Variants in DNAJC6 observed in about 807,000 individuals in gnomAD.
DNAJC6 encodes auxilin.
In DNAJC6, 34 loss-of-function variants were observed where a neutral mutation model predicts 110.0. The observed-to-expected ratio is 0.31, with a 90% CI of 0.24 to 0.41. DNAJC6 has a LOEUF of 0.41. Ranked by LOEUF, DNAJC6 falls within the 10% of genes least tolerant of loss-of-function variation. The pLI is 1.00. For missense variants in DNAJC6, 1,031 were observed against 1,207.8 expected (o/e 0.85, Z 2.17); for synonymous variants, 406 against 437.2 (o/e 0.93, Z 0.89).
intron 1 of DNAJC6, among the ~76,000 whole-genome samples, chr1:65,327,944 G>A (rs977069748): frequency 1.3e-5 from 2 of 151,984 alleles, no homozygotes; most frequent in East Asian, 1.9e-4. Context: ...TGAACTCCTG[G>A]GCACAAGCAA....
At chr1:65,298,575 G>GA (rs1425289807) in intron 1 of DNAJC6, among the ~76,000 whole-genome samples, 3 of 151,080 alleles carry the variant, frequency 2.0e-5, no homozygotes, top group Non-Finnish European at 4.4e-5. Context: ...CTATACATAT[G>GA]AAAAAAGACT....
At chr1:65,303,353 T>G (rs1311165401) in intron 1 of DNAJC6, among the ~76,000 whole-genome samples, 1 of 152,228 alleles carries the variant, frequency 6.6e-6, no homozygotes, top group Non-Finnish European at 1.5e-5. Flanking sequence ...ATAATAACAT[T>G]TGTTACATCG....
chr1:65,345,217 T>A (rs535456301), intron 1 of DNAJC6, among the ~76,000 whole-genome samples: 1 of 144,100 alleles, frequency 6.9e-6, no homozygotes, highest in Non-Finnish European at 1.5e-5. Context: ...ATTTTTGTGC[T>A]TCTCTCCCTT....
At chr1:65,265,155 T>A (rs1653272568) in intron 1 of DNAJC6, among the ~76,000 whole-genome samples, 2 of 152,242 alleles carry the variant, frequency 1.3e-5, no homozygotes, top group South Asian at 4.1e-4. Flanking sequence ...ATTTTTATAG[T>A]CCTAAATATA....
chr1:65,402,669 G>C (rs1466213171), intron 15 of DNAJC6, among the ~76,000 whole-genome samples: 1 of 152,208 alleles, frequency 6.6e-6, no homozygotes, highest in African/African-American at 2.4e-5. Context: ...TGGCTATATT[G>C]ATAGTCTGTG....
intron 4 of DNAJC6, among the ~76,000 whole-genome samples, 199 bp from the exon 5 acceptor site, chr1:65,379,203 T>G (rs1645794622): frequency 6.6e-6 from 1 of 152,254 alleles, no homozygotes; most frequent in African/African-American, 2.4e-5. Context: ...ATACCTTTAC[T>G]GAATGAGAAT....
rs1645078572 is a variant in DNAJC6, at chr1:65,309,645, TA to T, written c.-99del. The stretch of plus-strand genomic sequence containing the variant: ...TCCTCTTTGCGTCATGTCGGGCACT[TA>T]ATTTTTTTTTTTTTTTAATTCCTTC... On this transcript the variant is annotated 5_prime_UTR_variant, in exon 1 of 19. The change abolishes the stop of an existing upstream ORF in the 5' untranslated region. Transcript: ENST00000371069. The T allele has an allele frequency of 1.1e-5, 15 of 1,423,358 alleles. No individual in the cohort carries two copies. Among genetic ancestry groups the T allele is most frequent in the Non-Finnish European group, 1.4e-5 (15 of 1,091,810 alleles). The allele number at this position is 1,423,358 out of a possible 1,614,324, so 88.2% of individuals were successfully genotyped here.
chr1:65,404,907 T>C (rs1009624101), intron 15 of DNAJC6, among the ~76,000 whole-genome samples: 1 of 152,246 alleles, frequency 6.6e-6, no homozygotes, highest in African/African-American at 2.4e-5. Context: ...GAGCCAGTGA[T>C]ACTACTTACT....
intron 12 of DNAJC6, among the ~76,000 whole-genome samples, chr1:65,393,942 C>A (rs1167852907): frequency 6.6e-6 from 1 of 152,172 alleles, no homozygotes; most frequent in African/African-American, 2.4e-5. Flanking sequence ...GAGGCTCAAG[C>A]TCCAATGTTA....
chr1:65,379,605 A>G lies in DNAJC6; in HGVS notation c.666+81A>G. The G allele has an allele frequency of 2.6e-6, 4 of 1,532,188 alleles. No homozygotes were observed. The South Asian group carries it at 5.1e-5, about 20-fold the overall frequency. The allele number at this position is 1,532,188 out of a possible 1,614,324, so 94.9% of individuals were successfully genotyped here. A position where few individuals can be genotyped will look rare whatever the true frequency, so the allele number is the denominator to read the frequency against. On this transcript the variant is annotated intron_variant, in intron 5 of 18. Coordinates refer to ENST00000371069, the MANE Select transcript of DNAJC6 (RefSeq NM_001256864.2). ...GCCTGTACACAATGGTAGACAGGTA[A>G]CATTTGAGTTCAATAGGATTTACTG...
chr1:65,277,145 TG>T (rs771989178), intron 1 of DNAJC6, among the ~76,000 whole-genome samples: 1 of 152,348 alleles, frequency 6.6e-6, no homozygotes, highest in Admixed American at 6.5e-5. Flanking sequence ...TGTTTTTTTT[TG>T]TTTGTTTTAA....
At chr1:65,273,799 C>T (rs1457821113) in intron 1 of DNAJC6, among the ~76,000 whole-genome samples, 1 of 151,446 alleles carries the variant, frequency 6.6e-6, no homozygotes, top group Non-Finnish European at 1.5e-5. Context: ...CTCTTTTTGC[C>T]ATTGATTTCT....
intron 1 of DNAJC6, among the ~76,000 whole-genome samples, chr1:65,292,475 G>A (rs938963406): frequency 3.9e-5 from 6 of 151,954 alleles, no homozygotes; most frequent in Admixed American, 6.6e-5. Context: ...GTATTGCCTA[G>A]GCTGGGGTGC....
upstream of DNAJC6, chr1:65,309,472 G>A (rs1443283440): frequency 9.3e-7 from 1 of 1,072,554 alleles, no homozygotes. Context: ...CGGCTCCGCG[G>A]CGTTGGCCCA....
Position 65,379,423 on chromosome 1 carries a change from A to C in DNAJC6, c.565A>C (p.Ile189Leu). Residue 189 changes from isoleucine to leucine, a missense_variant, in exon 5 of 19, where the codon ATT becomes CTT. Physicochemically the swap from Ile to Leu is conservative, Grantham distance 5 (BLOSUM62 2). Coordinates refer to ENST00000371069, the MANE Select transcript of DNAJC6 (RefSeq NM_001256864.2). ...TTAGGTCTCAGAATGCAGTTGGCCC[A>C]TTAGGCAGGCTCCCAGTCTGCACAA... The part of the protein sequence containing the change: ...HSRVSECSWP[I>L]RQAPSLHNLF... 1 of 1,614,122 alleles carries C rather than the reference A, an allele frequency of 6.2e-7. No homozygotes were observed. Among genetic ancestry groups the C allele is most frequent in the Non-Finnish European group, 8.5e-7 (1 of 1,179,990 alleles).
At chr1:65,348,499 T>C (rs1645458312) in intron 1 of DNAJC6, among the ~76,000 whole-genome samples, 1 of 152,324 alleles carries the variant, frequency 6.6e-6, no homozygotes, top group East Asian at 1.9e-4. Context: ...TATGGAATAA[T>C]TGACCCTTTA....
rs753546450 is a variant in DNAJC6 at position 65,411,242 on chromosome 1, G to A, written c.2635-8G>A. 6.2e-7 allele frequency: 1 copy of A among 1,610,424 alleles called. No individual in the cohort carries two copies. The highest frequency in any genetic ancestry group is 1.1e-5 in the South Asian group (1 of 90,784). On this transcript the variant is annotated splice_polypyrimidine_tract_variant and splice_region_variant and intron_variant, in intron 17 of 18. Coordinates refer to ENST00000371069, the MANE Select transcript of DNAJC6 (RefSeq NM_001256864.2). ...ATTTGAATTTCTTAATCCCCTTTGTGTTTACAGATTCTGGAATGGATTGAA... is the reference window on the plus strand; with the variant it reads ...ATTTGAATTTCTTAATCCCCTTTGTATTTACAGATTCTGGAATGGATTGAA...
chr1:65,379,780 A>T, intron 5 of DNAJC6: 1 of 320,896 alleles, frequency 3.1e-6, no homozygotes, highest in Non-Finnish European at 5.6e-6. Flanking sequence ...TAAGTATTAT[A>T]AAGGAGGTAG....
intron 14 of DNAJC6, among the ~76,000 whole-genome samples, chr1:65,399,230 T>C (rs1646007876): frequency 6.6e-6 from 1 of 152,178 alleles, no homozygotes; most frequent in African/African-American, 2.4e-5. Context: ...GGATAATAAT[T>C]TTGGTCCCAC....
Sources: allele counts gnomAD v4.1 joint callset (sites outside exome capture counted in the v4.1 genomes callset), GRCh38; gene constraint gnomAD v4.1.1; transcripts MANE v1.5; gene names NCBI Gene and HGNC (gene_info 2026-07-23, HGNC 2026-07-21).